TENM3: variants seen among roughly 807,000 people sequenced by gnomAD.
TENM3 encodes teneurin-3.
In TENM3, 63 loss-of-function variants were observed where a neutral mutation model predicts 255.1. The ratio of observed to expected loss-of-function variants is 0.25; its 90% CI spans 0.20 to 0.30. The LOEUF is 0.30. Among genes scored for constraint, TENM3 ranks in the 10% least tolerant of loss-of-function variants. The probability of loss-of-function intolerance (pLI) is 1.00; values close to 1 mark genes in which losing one functional copy is unlikely to be tolerated. For missense variants in TENM3, 2,929 were observed against 3,461.1 expected (o/e 0.85, Z 3.86); for synonymous variants, 1,306 against 1,322.3 (o/e 0.99, Z 0.27).
At chr4:182,234,538 G>T (rs1756777006) in intron 1 of TENM3, among the ~76,000 whole-genome samples, 1 of 152,150 alleles carries the variant, frequency 6.6e-6, no homozygotes, top group Non-Finnish European at 1.5e-5. Context: ...TTCAAGACCA[G>T]CTTGACCTAC....
At chr4:182,565,183 C>A (rs570362372) in intron 3 of TENM3, among the ~76,000 whole-genome samples, 1 of 152,236 alleles carries the variant, frequency 6.6e-6, no homozygotes, top group East Asian at 1.9e-4. Flanking sequence ...CAGAGCTATT[C>A]CTGGTGAATC....
chr4:182,272,002 A>C (rs2150222326), intron 1 of TENM3, among the ~76,000 whole-genome samples: 1 of 152,356 alleles, frequency 6.6e-6, no homozygotes, highest in African/African-American at 2.4e-5. Context: ...TAAGCTGATT[A>C]GATGTGGTTT....
At chr4:182,225,152 A>G (rs1175432895) in intron 1 of TENM3, among the ~76,000 whole-genome samples, 1 of 152,174 alleles carries the variant, frequency 6.6e-6, no homozygotes, top group African/African-American at 2.4e-5. Flanking sequence ...TTTGTGGATT[A>G]AATGAAACAA....
chr4:182,569,873 C>T (rs1038688107), intron 3 of TENM3, among the ~76,000 whole-genome samples: 2 of 139,342 alleles, frequency 1.4e-5, no homozygotes, highest in Non-Finnish European at 3.0e-5. Context: ...CTGGAAGCCT[C>T]GGAAAAGGTG....
At chr4:182,750,064 A>T (rs917040262) in intron 19 of TENM3, among the ~76,000 whole-genome samples, 4 of 152,234 alleles carry the variant, frequency 2.6e-5, no homozygotes, top group African/African-American at 9.6e-5. Context: ...ATAAGCTGCC[A>T]CATTAAGGGA....
chr4:182,313,323 A>G (rs898610087), intron 1 of TENM3, among the ~76,000 whole-genome samples: 1 of 151,820 alleles, frequency 6.6e-6, no homozygotes, highest in Non-Finnish European at 1.5e-5. Flanking sequence ...TATATATTTT[A>G]TTACCTAAAT....
the TENM3 span, among the ~76,000 whole-genome samples, chr4:181,458,343 T>C: frequency 1.3e-5 from 2 of 151,230 alleles, no homozygotes; most frequent in Admixed American, 6.6e-5. Flanking sequence ...GTGTAGATAT[T>C]TTAGGTCACA....
the TENM3 span, among the ~76,000 whole-genome samples, chr4:181,809,192 G>A: frequency 7.2e-5 from 11 of 152,168 alleles, no homozygotes; most frequent in African/African-American, 1.4e-4. Context: ...CAGATGGGCT[G>A]GAAACAAACA....
At chr4:181,693,502 G>A in the TENM3 span, among the ~76,000 whole-genome samples, 1 of 152,192 alleles carries the variant, frequency 6.6e-6, no homozygotes, top group East Asian at 1.9e-4. Context: ...AGCCATCCAG[G>A]AAGAGTGCAG....
chr4:181,786,224 A>G, the TENM3 span, among the ~76,000 whole-genome samples: 21 of 152,306 alleles, frequency 1.4e-4, no homozygotes, highest in Non-Finnish European at 2.1e-4. Flanking sequence ...TTGTACCGTT[A>G]TGTGGTACCA....
At chr4:182,098,955 C>CTTTTTTTTT in the TENM3 span, among the ~76,000 whole-genome samples, 18 of 133,838 alleles carry the variant, frequency 1.3e-4, 2 homozygotes, top group African/African-American at 1.7e-4. Flanking sequence ...GTGCACAACT[C>CTTTTTTTTT]TTTTTTTCTT....
intron 3 of TENM3, among the ~76,000 whole-genome samples, chr4:182,498,418 A>G (rs571142143): frequency 6.0e-4 from 91 of 152,284 alleles, no homozygotes; most frequent in Admixed American, 1.2e-3. Context: ...CTCCATGTTC[A>G]GTTAATAGTG....
the TENM3 span, among the ~76,000 whole-genome samples, chr4:181,739,212 A>C: frequency 6.6e-6 from 1 of 151,166 alleles, no homozygotes; most frequent in African/African-American, 2.5e-5. Context: ...ATAATTAGAC[A>C]GGGGTCCAAT....
intron 11 of TENM3, among the ~76,000 whole-genome samples, chr4:182,686,075 G>A (rs1231658972): frequency 1.3e-5 from 2 of 151,888 alleles, no homozygotes; most frequent in Admixed American, 1.3e-4. Context: ...TATACTAAAT[G>A]ACTGCTTAAT....
the TENM3 span, among the ~76,000 whole-genome samples, chr4:181,806,292 C>T: frequency 2.8e-4 from 42 of 152,340 alleles, no homozygotes; most frequent in Admixed American, 9.8e-4. Flanking sequence ...GTCATCCCCA[C>T]GCCTGTGTCT....
At chr4:182,243,023 G>A (rs1190945634), upstream of TENM3, among the ~76,000 whole-genome samples, 3 of 152,224 alleles carry the variant, frequency 2.0e-5, no homozygotes, top group Non-Finnish European at 4.4e-5. Context: ...ATTCCAGGGC[G>A]ACTATGTGGT....
the TENM3 span, among the ~76,000 whole-genome samples, chr4:181,580,370 C>A: frequency 5.0e-3 from 764 of 152,272 alleles, 9 homozygotes; most frequent in African/African-American, 0.017. Context: ...TGGGCATATG[C>A]AGATCTTCTC....
the TENM3 span, among the ~76,000 whole-genome samples, chr4:181,478,052 A>G: frequency 6.6e-6 from 1 of 152,218 alleles, no homozygotes; most frequent in Admixed American, 6.5e-5. Context: ...TTCCATAAAA[A>G]TTATAACCAT....
chr4:182,003,337 T>C, the TENM3 span, among the ~76,000 whole-genome samples: 24 of 152,074 alleles, frequency 1.6e-4, no homozygotes, highest in Non-Finnish European at 3.1e-4. Context: ...GTGCAACCAG[T>C]GTTTCTTTCC....
Sources: allele counts gnomAD v4.1 joint callset (sites outside exome capture counted in the v4.1 genomes callset), GRCh38; gene constraint gnomAD v4.1.1; transcripts MANE v1.5; gene names NCBI Gene and HGNC (gene_info 2026-07-23, HGNC 2026-07-21).